The following NCAM2 variants were observed in gnomAD, a reference collection of about 807,000 sequenced individuals.
NCAM2 encodes N-CAM-2.
In NCAM2, 30 loss-of-function variants were observed where a neutral mutation model predicts 98.1. The ratio of observed to expected loss-of-function variants is 0.31; its 90% CI spans 0.23 to 0.41. The LOEUF is 0.41. NCAM2 is among the 10% of genes least tolerant of loss of function. The pLI is 1.00. For synonymous variants in NCAM2, 368 were observed against 342.4 expected (o/e 1.07, Z -0.83); for missense variants, 867 against 1,005.8 (o/e 0.86, Z 1.87).
chr21:21,191,491 G>A (rs780445159), intron 1 of NCAM2, among the ~76,000 whole-genome samples: 25 of 152,004 alleles, frequency 1.6e-4, no homozygotes, highest in Non-Finnish European at 3.5e-4. Flanking sequence ...CTTTAAATCA[G>A]TTATTCTATA....
In NCAM2 at chr21:21,434,318, G is replaced by A. The variant is rs142784509; in HGVS notation, c.1654+2037G>A. Among the ~76,000 whole-genome samples the A allele has an allele frequency of 1.1e-3, 166 of 152,276 alleles. 3 individuals carry two copies. In the East Asian group the frequency reaches 0.029, roughly 26 times the overall value. On this transcript the variant is annotated intron_variant, in intron 12 of 17. Transcript: ENST00000400546. Reference sequence around the variant, plus strand: ...GTCTAGAATATGAACTAGGGAAGCTGCGTGCATAGAATGTTTAGTGGCCTC... The same window carrying A: ...GTCTAGAATATGAACTAGGGAAGCTACGTGCATAGAATGTTTAGTGGCCTC...
intron 1 of NCAM2, among the ~76,000 whole-genome samples, chr21:21,066,044 C>A (rs1416329733): frequency 1.3e-5 from 2 of 152,086 alleles, no homozygotes; most frequent in Non-Finnish European, 2.9e-5. Context: ...TTGTTAAGTG[C>A]CCCTATGATC....
At chr21:21,407,338 AT>A (rs981938898) in intron 9 of NCAM2, among the ~76,000 whole-genome samples, 24 of 152,306 alleles carry the variant, frequency 1.6e-4, no homozygotes, top group Admixed American at 1.6e-3. Context: ...CCACAAATAC[AT>A]TTTTTAATGT....
intron 1 of NCAM2, among the ~76,000 whole-genome samples, chr21:21,209,404 C>G (rs562180457): frequency 6.6e-6 from 1 of 151,948 alleles, no homozygotes; most frequent in Non-Finnish European, 1.5e-5. Context: ...TTATTTTTTT[C>G]GGAAAGACTG....
chr21:21,310,398 G>A (rs1241558656), intron 5 of NCAM2, among the ~76,000 whole-genome samples: 1 of 152,160 alleles, frequency 6.6e-6, no homozygotes. Context: ...AGTAGGAAGT[G>A]AAGGAATCTT....
chr21:21,085,160 ATGT>A (rs990634025), intron 1 of NCAM2, among the ~76,000 whole-genome samples: 1 of 152,010 alleles, frequency 6.6e-6, no homozygotes, highest in Non-Finnish European at 1.5e-5. Context: ...ATTGTTGTTA[ATGT>A]TGTTATTGTA....
At chr21:21,506,433 ATATAC>A (rs1987982291) in intron 15 of NCAM2, among the ~76,000 whole-genome samples, 1 of 152,168 alleles carries the variant, frequency 6.6e-6, no homozygotes. Context: ...GGAAGAAAAT[ATATAC>A]CATGATTTTT....
rs562569790 is a variant in NCAM2 at position 21,092,058 on chromosome 21, T to G, written c.55+93440T>G. Among the ~76,000 whole-genome samples the G allele has an allele frequency of 3.3e-5, 5 of 152,226 alleles. No homozygotes were observed. In the South Asian group the frequency reaches 1.0e-3, roughly 32 times the overall value. The stretch of plus-strand genomic sequence containing the variant: ...GAATGAATCAATGAGTGAATTTCTG[T>G]TAGAAATATTTATTTGTGTATGGAA... On this transcript the variant is annotated intron_variant, in intron 1 of 17. Coordinates refer to ENST00000400546, the MANE Select transcript of NCAM2 (RefSeq NM_004540.5).
chr21:21,309,544 C>A (rs2073980478), intron 5 of NCAM2, among the ~76,000 whole-genome samples: 1 of 152,166 alleles, frequency 6.6e-6, no homozygotes, highest in African/African-American at 2.4e-5. Context: ...CCTTCCAATT[C>A]TTTTGCACAG....
intron 11 of NCAM2, among the ~76,000 whole-genome samples, chr21:21,425,503 C>T (rs1274667612): frequency 1.3e-5 from 2 of 152,052 alleles, no homozygotes; most frequent in African/African-American, 4.8e-5. Context: ...AGAGTCAAGA[C>T]ATACTCATAT....
chr21:21,367,123 G>A (rs551730919), intron 8 of NCAM2, among the ~76,000 whole-genome samples: 1 of 151,900 alleles, frequency 6.6e-6, no homozygotes, highest in Non-Finnish European at 1.5e-5. Flanking sequence ...ATATAATTTG[G>A]CTCATTCTTT....
At chr21:21,085,813 C>CTACTTTTTTAATA in intron 1 of NCAM2, among the ~76,000 whole-genome samples, 2 of 152,180 alleles carry the variant, frequency 1.3e-5, no homozygotes, top group South Asian at 4.2e-4. Flanking sequence ...TATTATCTGC[C>CTACTTTTTTAATA]TACTATTTAA....
chr21:21,266,758 T>A (rs867589975), intron 1 of NCAM2, among the ~76,000 whole-genome samples: 28 of 152,128 alleles, frequency 1.8e-4, no homozygotes, highest in Middle Eastern at 6.8e-3. Flanking sequence ...CATTAGGAGA[T>A]ATACCTAATG....
intron 9 of NCAM2, among the ~76,000 whole-genome samples, chr21:21,380,528 C>G (rs1193534384): frequency 1.3e-5 from 2 of 151,598 alleles, no homozygotes; most frequent in Non-Finnish European, 2.9e-5. Context: ...GGGCTGTGTT[C>G]CCTTGTGGAA....
chr21:21,433,239 C>A (rs1439695372), intron 12 of NCAM2, among the ~76,000 whole-genome samples: 2 of 152,064 alleles, frequency 1.3e-5, no homozygotes, highest in Non-Finnish European at 2.9e-5. Flanking sequence ...TGTTCTCAAA[C>A]TGATGAGCTC....
At chr21:21,207,259 A>T (rs1425423457) in intron 1 of NCAM2, among the ~76,000 whole-genome samples, 2 of 152,140 alleles carry the variant, frequency 1.3e-5, no homozygotes, top group Admixed American at 1.3e-4. Context: ...CTCGAGCTTT[A>T]ATTTAAAGAG....
chr21:21,480,559 G>A (rs1985783551), intron 15 of NCAM2, among the ~76,000 whole-genome samples: 1 of 152,048 alleles, frequency 6.6e-6, no homozygotes, highest in Non-Finnish European at 1.5e-5. Flanking sequence ...ACCTGGAAGT[G>A]TGTGACTATA....
intron 1 of NCAM2, among the ~76,000 whole-genome samples, chr21:21,097,595 T>G (rs1046718061): frequency 2.0e-5 from 3 of 151,602 alleles, no homozygotes; most frequent in African/African-American, 7.2e-5. Context: ...CTATTTACAC[T>G]GCACAAACTT....
intron 1 of NCAM2, among the ~76,000 whole-genome samples, chr21:21,067,254 A>G (rs1482235396): frequency 2.0e-5 from 3 of 152,034 alleles, no homozygotes; most frequent in African/African-American, 7.2e-5. Flanking sequence ...TACTTCAATT[A>G]AAAATGCGTT....
Sources: gnomAD v4.1 joint callset for allele counts (sites outside exome capture counted in the v4.1 genomes callset) on GRCh38, gnomAD v4.1.1 for gene constraint, MANE v1.5 for transcripts, NCBI Gene and HGNC (gene_info 2026-07-23, HGNC 2026-07-21) for gene names.